LINC00305: variants seen among roughly 807,000 people sequenced by gnomAD.
LINC00305 encodes long independently transcribed non-coding RNA 305.
chr18:64,128,090 G>A (rs1404316735), intron 1 of LINC00305, among the ~76,000 whole-genome samples: 1 of 152,074 alleles, frequency 6.6e-6, no homozygotes, highest in Non-Finnish European at 1.5e-5. Context: ...TGAGACTAAT[G>A]TAAAGTGTCA....
At chr18:64,128,030 G>GT (rs201573120) in intron 1 of LINC00305, among the ~76,000 whole-genome samples, 44 of 151,728 alleles carry the variant, frequency 2.9e-4, no homozygotes, top group Admixed American at 1.6e-3. Flanking sequence ...CTTCTTTTGG[G>GT]TTTTTTTTCT....
intron 1 of LINC00305, among the ~76,000 whole-genome samples, chr18:64,145,545 G>A (rs1599235426): frequency 6.6e-6 from 1 of 152,194 alleles, no homozygotes; most frequent in African/African-American, 2.4e-5. Flanking sequence ...TTGCATTGTG[G>A]GCTGCTGGCC....
chr18:64,133,785 C>CA (rs1568116754), intron 1 of LINC00305, among the ~76,000 whole-genome samples: 3 of 151,932 alleles, frequency 2.0e-5, no homozygotes, highest in African/African-American at 7.3e-5. Flanking sequence ...CATAGAACAA[C>CA]AAAAAAGGTC....
At chr18:64,083,532 A>G (rs1415400736) in intron 3 of LINC00305, among the ~76,000 whole-genome samples, 1 of 152,254 alleles carries the variant, frequency 6.6e-6, no homozygotes, top group African/African-American at 2.4e-5. Flanking sequence ...AGTATGTGAC[A>G]GCACTAATAA....
intron 1 of LINC00305, among the ~76,000 whole-genome samples, chr18:64,112,474 T>G: frequency 6.6e-6 from 1 of 152,178 alleles, no homozygotes. Flanking sequence ...TGATTTAAGA[T>G]TAGCATATGC....
At chr18:64,087,212 A>C (rs1483606281) in intron 3 of LINC00305, among the ~76,000 whole-genome samples, 1 of 152,148 alleles carries the variant, frequency 6.6e-6, no homozygotes. Flanking sequence ...GAAAAACTGT[A>C]TTTTTCATTT....
chr18:64,138,375 T>C (rs2051445001), intron 1 of LINC00305, among the ~76,000 whole-genome samples: 1 of 152,222 alleles, frequency 6.6e-6, no homozygotes, highest in South Asian at 2.1e-4. Flanking sequence ...GTTTAAAATG[T>C]TTTAAAGTTG....
chr18:64,083,946 TG>T (rs1230100838), intron 3 of LINC00305, among the ~76,000 whole-genome samples: 3 of 152,202 alleles, frequency 2.0e-5, no homozygotes, highest in Non-Finnish European at 4.4e-5. Context: ...GGAGAGTTCC[TG>T]TAGGGAGGAT....
At chr18:64,106,474 G>A (rs929952495) in intron 1 of LINC00305, among the ~76,000 whole-genome samples, 6 of 151,708 alleles carry the variant, frequency 4.0e-5, no homozygotes, top group South Asian at 4.2e-4. Context: ...ACAAATGTTC[G>A]AAGATGCCCT....
At chr18:64,099,837 G>A (rs1486613198) in intron 1 of LINC00305, among the ~76,000 whole-genome samples, 1 of 152,148 alleles carries the variant, frequency 6.6e-6, no homozygotes, top group Non-Finnish European at 1.5e-5. Context: ...ACATGGCAAA[G>A]TCTGCCAGTC....
intron 1 of LINC00305, among the ~76,000 whole-genome samples, chr18:64,139,837 A>C (rs938044499): frequency 2.0e-5 from 3 of 152,128 alleles, no homozygotes; most frequent in African/African-American, 2.4e-5. Context: ...CCTTTTGAAC[A>C]TGTTATAGCA....
intron 1 of LINC00305, among the ~76,000 whole-genome samples, chr18:64,134,101 A>G (rs2051422132): frequency 6.6e-6 from 1 of 152,236 alleles, no homozygotes; most frequent in African/African-American, 2.4e-5. Flanking sequence ...CTAGACTCTT[A>G]AATTATGGAA....
intron 3 of LINC00305, among the ~76,000 whole-genome samples, chr18:64,094,003 T>C (rs1464716254): frequency 6.6e-6 from 1 of 152,202 alleles, no homozygotes; most frequent in African/African-American, 2.4e-5. Context: ...AGTTTTCCGC[T>C]GAAGGGATTC....
intron 1 of LINC00305, among the ~76,000 whole-genome samples, chr18:64,140,999 C>A (rs1317252729): frequency 1.4e-5 from 2 of 146,864 alleles, no homozygotes; most frequent in African/African-American, 2.5e-5. Context: ...CGATGGGAAC[C>A]TCAGACCTAG....
intron 1 of LINC00305, among the ~76,000 whole-genome samples, chr18:64,132,006 T>G (rs2144269150): frequency 6.6e-6 from 1 of 152,360 alleles, no homozygotes; most frequent in African/African-American, 2.4e-5. Context: ...TGTTCTTTAT[T>G]TTTCCATTAT....
chr18:64,099,071 T>G (rs113593345), intron 1 of LINC00305, among the ~76,000 whole-genome samples: 4,604 of 152,288 alleles, frequency 0.03, 111 homozygotes, highest in Non-Finnish European at 0.049. Context: ...CTGTCTCTAT[T>G]CCTGTTGACC....
chr18:64,126,657 G>A (rs1258307064), intron 1 of LINC00305, among the ~76,000 whole-genome samples: 1 of 152,064 alleles, frequency 6.6e-6, no homozygotes, highest in East Asian at 1.9e-4. Flanking sequence ...TTTATGAGAT[G>A]CATCTTAATG....
chr18:64,101,752 A>G (rs2051268702), intron 1 of LINC00305, among the ~76,000 whole-genome samples: 1 of 152,140 alleles, frequency 6.6e-6, no homozygotes, highest in Non-Finnish European at 1.5e-5. Flanking sequence ...TTTCTATGGC[A>G]TCTTCATTTC....
intron 1 of LINC00305, among the ~76,000 whole-genome samples, chr18:64,109,585 T>C (rs2051306350): frequency 6.6e-6 from 1 of 152,248 alleles, no homozygotes; most frequent in African/African-American, 2.4e-5. Context: ...TCATGCCTTC[T>C]ATGTATTCAG....
Sources: allele counts gnomAD v4.1 joint callset (sites outside exome capture counted in the v4.1 genomes callset), GRCh38; gene constraint gnomAD v4.1.1; transcripts MANE v1.5; gene names NCBI Gene and HGNC (gene_info 2026-07-23, HGNC 2026-07-21).